Variants in ZC3H12C observed in about 807,000 individuals in gnomAD.
The protein encoded by ZC3H12C is zinc finger CCCH-type containing 12C.
ZC3H12C carries 20 observed loss-of-function variants against 76.3 expected under a neutral mutation model. The ratio of observed to expected loss-of-function variants is 0.26; its 90% confidence interval spans 0.18 to 0.38. ZC3H12C has a LOEUF of 0.38. ZC3H12C is among the 10% of genes least tolerant of loss of function. The pLI is 1.00. For synonymous variants in ZC3H12C, 352 were observed against 399.6 expected (o/e 0.88, Z 1.42); for missense variants, 874 against 1,086.5 (o/e 0.80, Z 2.75).
In ZC3H12C at chr11:110,141,097, G is replaced by GC. The variant is rs532157429; in HGVS notation, c.773+3687dup. ...CCATTTGCTTGAGAGTTTATACTCA[G>GC]CCCCGCAAAGAGTCATATTGGAAAA... On this transcript the variant is annotated intron_variant, in intron 2 of 5. Coordinates refer to ENST00000278590, the MANE Select transcript of ZC3H12C (RefSeq NM_033390.2). Among the ~76,000 whole-genome samples, 426 of 152,276 alleles carry GC rather than the reference G, an allele frequency of 2.8e-3. 1 individual carries two copies. The highest frequency in any genetic ancestry group is 4.7e-3 in the Non-Finnish European group (319 of 68,016).
rs183922533 is a variant in ZC3H12C at position 110,115,995 on chromosome 11, G to T, written c.22-20668G>T. On this transcript the variant is annotated intron_variant, in intron 1 of 5. Coordinates refer to ENST00000278590, the MANE Select transcript of ZC3H12C (RefSeq NM_033390.2). ...AGCTGGTCTTGAACTCCTGACCTCA[G>T]GTGATCCATCTGCCTCAGCCTCCCA... is the stretch of plus-strand genomic sequence containing the variant. Among the ~76,000 whole-genome samples the T allele has an allele frequency of 3.6e-4, 54 of 151,100 alleles. No individual in the cohort carries two copies. In the East Asian group the frequency reaches 9.9e-3, roughly 28 times the overall value.
chr11:110,164,465 C>T lies in ZC3H12C; in HGVS notation c.1380C>T (p.Asn460=), dbSNP rs199586747. The part of the protein sequence containing the change: ...MSRNTAAKTA[N]EGGLVKSNSV... Reference sequence around the variant, plus strand: ...GAAATACGGCAGCCAAAACTGCAAACGAAGGAGGACTGGTGAAAAGCAACA... The same window carrying T: ...GAAATACGGCAGCCAAAACTGCAAATGAAGGAGGACTGGTGAAAAGCAACA... Residue 460 remains asparagine (N), a synonymous_variant, in exon 6 of 6, where the codon AAC becomes AAT. Coordinates refer to ENST00000278590, the MANE Select transcript of ZC3H12C (RefSeq NM_033390.2). This position sits in a 1 kb window ranked among gnomAD's most constrained non-coding sequence, Gnocchi z 5.7. The T allele has an allele frequency of 2.9e-5, 47 of 1,613,950 alleles. No individual in the cohort carries two copies. The Admixed American group carries it at 4.5e-4, about 15-fold the overall frequency.
At chr11:110,139,190 A>G (rs763712546) in intron 2 of ZC3H12C, among the ~76,000 whole-genome samples, 5 of 152,218 alleles carry the variant, frequency 3.3e-5, no homozygotes, top group Non-Finnish European at 7.4e-5. Flanking sequence ...TGGAGGCAGT[A>G]TTATCTTTCT....
rs1862564195 is a variant in ZC3H12C, at chr11:110,165,463, A to T, written c.2378A>T (p.Tyr793Phe). Reference protein sequence around the residue: ...GIDAYGYRQTYSLPDNSTQPC... With the variant: ...GIDAYGYRQTFSLPDNSTQPC... ...GACGCCTATGGGTACCGGCAGACTT[A>T]TTCCTTGCCCGATAACTCCACACAG... The change falls in exon 6 of 6, where the codon TAT becomes TTT. Residue 793 changes from tyrosine to phenylalanine, a missense_variant. Physicochemically the swap from Tyr to Phe is conservative, Grantham distance 22. Around this residue, in one of 3 missense-constraint regions of ZC3H12C, gnomAD observed 395 missense variants for 434.4 expected, o/e 0.91. Transcript: ENST00000278590. The T allele has an allele frequency of 6.2e-7, 1 of 1,613,910 alleles. No individual in the cohort carries two copies.
Position 110,166,944 on chromosome 11 carries a change from T to C in ZC3H12C, c.*1207T>C, listed in dbSNP as rs906870700. ...CTGTTATATTATTAAGGCCAGACTC[T>C]TGCCACAAATAGTGTAGTTTTAGAT... On this transcript the variant is annotated 3_prime_UTR_variant, in exon 6 of 6. Coordinates refer to ENST00000278590, the MANE Select transcript of ZC3H12C (RefSeq NM_033390.2). The C allele has an allele frequency of 5.9e-5, 9 of 152,234 alleles. No homozygotes were observed. The highest frequency in any genetic ancestry group is 5.9e-4 in the Admixed American group (9 of 15,286). 9.4% of individuals were successfully genotyped at this position (152,234 alleles called of 1,614,324 possible). A position where few individuals can be genotyped will look rare whatever the true frequency, so the allele number is the denominator to read the frequency against.
At chr11:110,116,623 C>T in intron 1 of ZC3H12C, among the ~76,000 whole-genome samples, 1 of 152,138 alleles carries the variant, frequency 6.6e-6, no homozygotes. Context: ...TAAATAATGA[C>T]AATCAGGTTT....
chr11:110,113,604 G>C (rs1412618549), intron 1 of ZC3H12C, among the ~76,000 whole-genome samples: 3 of 152,050 alleles, frequency 2.0e-5, no homozygotes, highest in Admixed American at 1.3e-4. Flanking sequence ...ACTGAGAAAG[G>C]GGTCTATGTT....
At chr11:110,147,133 A>C (rs1156999423) in intron 2 of ZC3H12C, among the ~76,000 whole-genome samples, 6 of 152,180 alleles carry the variant, frequency 3.9e-5, no homozygotes, top group African/African-American at 1.2e-4. Flanking sequence ...CTGTTCCATT[A>C]GTCAAACACA....
At chr11:110,139,385 A>G (rs1380913034) in intron 2 of ZC3H12C, among the ~76,000 whole-genome samples, 1 of 152,200 alleles carries the variant, frequency 6.6e-6, no homozygotes, top group Admixed American at 6.5e-5. Context: ...TCCAAGGGTA[A>G]TTGAAGGGTT....
At chr11:110,155,922 A>AT (rs1364139375) in intron 3 of ZC3H12C, among the ~76,000 whole-genome samples, 2 of 75,714 alleles carry the variant, frequency 2.6e-5, no homozygotes, top group African/African-American at 3.5e-5. Flanking sequence ...GATAGAGTAA[A>AT]TTAAAAAAAG....
intron 1 of ZC3H12C, among the ~76,000 whole-genome samples, chr11:110,117,834 TA>T (rs1861565116): frequency 9.9e-6 from 1 of 100,884 alleles, no homozygotes; most frequent in African/African-American, 4.5e-5. Flanking sequence ...ACACATATAA[TA>T]TATATATACA....
intron 3 of ZC3H12C, among the ~76,000 whole-genome samples, chr11:110,158,257 C>T (rs1469726630): frequency 1.3e-5 from 2 of 152,278 alleles, no homozygotes; most frequent in East Asian, 1.9e-4. Context: ...CTCCTGTAAT[C>T]CCAGCACTTT....
At chr11:110,153,484 G>A (rs648020) in intron 3 of ZC3H12C, among the ~76,000 whole-genome samples, 104,769 of 152,060 alleles carry the variant, frequency 0.69, 36,892 homozygotes, top group South Asian at 0.79. Context: ...TACCATGCCT[G>A]TCCAGTTTTT....
intron 4 of ZC3H12C, among the ~76,000 whole-genome samples, chr11:110,162,582 A>G (rs1040688548): frequency 8.5e-5 from 13 of 152,224 alleles, no homozygotes; most frequent in Non-Finnish European, 1.5e-4. Context: ...TAGTCCATCC[A>G]AAATAGTAGG....
chr11:110,106,419 G>A (rs1861328799), intron 1 of ZC3H12C, among the ~76,000 whole-genome samples: 2 of 152,200 alleles, frequency 1.3e-5, no homozygotes, highest in South Asian at 4.1e-4. Context: ...GGGCATAACA[G>A]TGCTAAGAAG....
Position 110,167,110 on chromosome 11 carries a change from T to TTGAC in ZC3H12C, c.*1376_*1379dup, listed in dbSNP as rs893632384. The TTGAC allele has an allele frequency of 1.3e-5, 2 of 152,230 alleles. No homozygotes were observed. The highest frequency in any genetic ancestry group is 4.8e-5 in the African/African-American group (2 of 41,452). The allele number at this position is 152,230 out of a possible 1,614,324, so 9.4% of individuals were successfully genotyped here. ...CAGACAGTTGTGTGATTGACATCAC[T>TTGAC]TGACTGTTGCGTCCAGGTTTTGAAT... On this transcript the variant is annotated 3_prime_UTR_variant, in exon 6 of 6. Coordinates refer to ENST00000278590, the MANE Select transcript of ZC3H12C (RefSeq NM_033390.2).
At chr11:110,120,744 A>G (rs1157198840) in intron 1 of ZC3H12C, among the ~76,000 whole-genome samples, 1 of 152,206 alleles carries the variant, frequency 6.6e-6, no homozygotes, top group East Asian at 1.9e-4. Flanking sequence ...GCTGTGTGTC[A>G]TTTTTCAATC....
At chr11:110,143,832 A>T (rs1227090686) in intron 2 of ZC3H12C, among the ~76,000 whole-genome samples, 1 of 152,108 alleles carries the variant, frequency 6.6e-6, no homozygotes, top group African/African-American at 2.4e-5. Context: ...CTAAAAAGAT[A>T]CCTTTATATT....
intron 2 of ZC3H12C, among the ~76,000 whole-genome samples, chr11:110,150,308 T>G (rs684062): frequency 0.69 from 104,529 of 151,882 alleles, 36,774 homozygotes; most frequent in South Asian, 0.79. Flanking sequence ...TAGTATATTG[T>G]TTTTTTATTT....
Sources: gnomAD v4.1 joint callset for allele counts (sites outside exome capture counted in the v4.1 genomes callset) on GRCh38, gnomAD v4.1.1 for gene constraint, gnomAD v4.1.1 regional missense constraint, Gnocchi (gnomAD v3.1) non-coding constraint, MANE v1.5 for transcripts, NCBI Gene and HGNC (gene_info 2026-07-23, HGNC 2026-07-21) for gene names.